The following DPP10 variants were observed in gnomAD, a reference collection of about 807,000 sequenced individuals.
DPP10 encodes the protein inactive dipeptidyl peptidase 10.
A neutral mutation model predicts 120.9 loss-of-function variants in DPP10; 33 were observed. The observed-to-expected ratio is 0.27, with a 90% confidence interval of 0.21 to 0.37. DPP10 has a LOEUF of 0.37. DPP10 is among the 10% of genes least tolerant of loss of function. The probability of loss-of-function intolerance (pLI) is 1.00; values close to 1 mark genes in which losing one functional copy is unlikely to be tolerated. For missense variants in DPP10, 816 were observed against 942.8 expected (o/e 0.87, Z 1.76); for synonymous variants, 337 against 326.1 (o/e 1.03, Z -0.36).
intron 1 of DPP10, among the ~76,000 whole-genome samples, chr2:115,300,615 A>G (rs993287029): frequency 4.6e-5 from 7 of 152,054 alleles, no homozygotes; most frequent in East Asian, 1.9e-4. Flanking sequence ...TGGAATTACT[A>G]TTGATTATTA....
rs187067871 is a variant in DPP10, at chr2:115,758,254, A to G, written c.1075-4318A>G. Among the ~76,000 whole-genome samples, 20 of 152,294 alleles carry G rather than the reference A, an allele frequency of 1.3e-4. No individual in the cohort carries two copies. In the East Asian group the frequency reaches 2.7e-3, roughly 21 times the overall value. ...CAAACCAGTCTTCTAACTTTTGTCT[A>G]TAAGTTTGTACTTGTTTCAAAATAA... On this transcript the variant is annotated intron_variant, in intron 11 of 25. Coordinates refer to ENST00000410059, the MANE Select transcript of DPP10 (RefSeq NM_020868.6).
At chr2:115,151,510 T>A (rs999228669) in intron 1 of DPP10, among the ~76,000 whole-genome samples, 2 of 151,076 alleles carry the variant, frequency 1.3e-5, no homozygotes, top group Non-Finnish European at 2.9e-5. Context: ...TGGGTTCAAG[T>A]GATCCTCCTG....
intron 12 of DPP10, among the ~76,000 whole-genome samples, chr2:115,764,233 G>T (rs1397702652): frequency 6.6e-6 from 1 of 151,752 alleles, no homozygotes; most frequent in East Asian, 1.9e-4. Flanking sequence ...TATGTAAGAA[G>T]AGCTTAATAG....
intron 3 of DPP10, among the ~76,000 whole-genome samples, chr2:115,370,631 A>G (rs1302001789): frequency 1.3e-5 from 2 of 152,170 alleles, no homozygotes; most frequent in African/African-American, 4.8e-5. Context: ...TAAACAAACA[A>G]GGACTCCAGG....
intron 1 of DPP10, among the ~76,000 whole-genome samples, chr2:114,500,600 C>T (rs1021540781): frequency 1.3e-5 from 2 of 152,186 alleles, no homozygotes; most frequent in Non-Finnish European, 2.9e-5. Context: ...TGCTACACTG[C>T]TTTCTTCAGA....
At chr2:115,622,398 A>G (rs541314449) in intron 5 of DPP10, among the ~76,000 whole-genome samples, 27 of 151,742 alleles carry the variant, frequency 1.8e-4, no homozygotes, top group African/African-American at 6.0e-4. Context: ...CATTTCTTGG[A>G]TATACTACAT....
At chr2:114,773,543 A>T (rs1681460927) in intron 1 of DPP10, among the ~76,000 whole-genome samples, 1 of 152,236 alleles carries the variant, frequency 6.6e-6, no homozygotes, top group African/African-American at 2.4e-5. Context: ...TGCAGACTCA[A>T]TAAACAAGCC....
At chr2:115,525,067 A>G (rs1575093032) in intron 4 of DPP10, among the ~76,000 whole-genome samples, 1 of 152,160 alleles carries the variant, frequency 6.6e-6, no homozygotes, top group Non-Finnish European at 1.5e-5. Context: ...TAAGGTGTGC[A>G]CAATTGTTTA....
intron 1 of DPP10, among the ~76,000 whole-genome samples, chr2:114,939,475 T>C (rs1696735150): frequency 6.6e-6 from 1 of 152,178 alleles, no homozygotes; most frequent in Non-Finnish European, 1.5e-5. Context: ...ATTGTTTAAA[T>C]TATTGTGACT....
At chr2:115,681,764 C>G (rs1298011139) in intron 5 of DPP10, among the ~76,000 whole-genome samples, 2 of 141,066 alleles carry the variant, frequency 1.4e-5, no homozygotes, top group Non-Finnish European at 3.1e-5. Flanking sequence ...CTTTCTCTTT[C>G]TCCTTCTCTC....
At chr2:115,214,738 T>C (rs563294256) in intron 1 of DPP10, among the ~76,000 whole-genome samples, 1 of 152,196 alleles carries the variant, frequency 6.6e-6, no homozygotes, top group Non-Finnish European at 1.5e-5. Context: ...CTCTAAGGAA[T>C]GTAAAAGTTA....
intron 1 of DPP10, among the ~76,000 whole-genome samples, chr2:114,586,431 C>A (rs1690986750): frequency 6.6e-6 from 1 of 152,142 alleles, no homozygotes; most frequent in Non-Finnish European, 1.5e-5. Flanking sequence ...ATGATGTGGG[C>A]AAATTAATCC....
At chr2:115,025,368 G>A (rs541814342) in intron 1 of DPP10, among the ~76,000 whole-genome samples, 1 of 152,086 alleles carries the variant, frequency 6.6e-6, no homozygotes, top group Non-Finnish European at 1.5e-5. Context: ...ATTCCATTGT[G>A]TAAATATTGC....
chr2:114,612,503 TG>T (rs1693360060), intron 1 of DPP10, among the ~76,000 whole-genome samples: 1 of 152,224 alleles, frequency 6.6e-6, no homozygotes, highest in Admixed American at 6.5e-5. Context: ...AATGTTTCTT[TG>T]CTTTCTCCTT....
intron 1 of DPP10, among the ~76,000 whole-genome samples, chr2:114,547,127 T>C (rs990899576): frequency 2.0e-5 from 3 of 152,358 alleles, no homozygotes; most frequent in Non-Finnish European, 2.9e-5. Flanking sequence ...AGTGCCCCTG[T>C]GGTTTAATGC....
At chr2:115,163,600 T>C (rs1258321927) in intron 1 of DPP10, among the ~76,000 whole-genome samples, 1 of 152,230 alleles carries the variant, frequency 6.6e-6, no homozygotes, top group Non-Finnish European at 1.5e-5. Context: ...TTAGCAGATA[T>C]AGAAAAATAA....
intron 1 of DPP10, among the ~76,000 whole-genome samples, chr2:114,638,045 A>G (rs899682970): frequency 2.6e-5 from 4 of 151,932 alleles, no homozygotes; most frequent in African/African-American, 9.7e-5. Flanking sequence ...TTTGATAGGA[A>G]TAATGTTAAG....
intron 1 of DPP10, among the ~76,000 whole-genome samples, chr2:115,186,329 T>C (rs778348918): frequency 6.6e-6 from 1 of 152,202 alleles, no homozygotes; most frequent in Non-Finnish European, 1.5e-5. Flanking sequence ...CTGAACATTA[T>C]ACACCAGGAA....
chr2:114,497,176 T>C (rs1052211875), intron 1 of DPP10, among the ~76,000 whole-genome samples: 1 of 148,576 alleles, frequency 6.7e-6, no homozygotes, highest in Non-Finnish European at 1.5e-5. Context: ...CGTGTATACA[T>C]GTGTACGTGT....
Sources: gnomAD v4.1 joint callset for allele counts (sites outside exome capture counted in the v4.1 genomes callset) on GRCh38, gnomAD v4.1.1 for gene constraint, MANE v1.5 for transcripts, NCBI Gene and HGNC (gene_info 2026-07-23, HGNC 2026-07-21) for gene names.